XRCC6: variants seen among roughly 807,000 people sequenced by gnomAD.
XRCC6 encodes the protein X-ray repair cross complementing 6.
In XRCC6, 5 loss-of-function variants were observed where a neutral mutation model predicts 65.7. The ratio of observed to expected loss-of-function variants is 0.08; its 90% CI spans 0.04 to 0.16. The LOEUF is 0.16. Ranked by LOEUF, XRCC6 falls within the 10% of genes least tolerant of loss-of-function variation. The pLI is 1.00. For missense variants in XRCC6, 447 were observed against 738.1 expected (o/e 0.61, Z 4.57); for synonymous variants, 270 against 270.6 (o/e 1.00, Z 0.02).
At chr22:41,648,692 G>T (rs959884064) in intron 7 of XRCC6, among the ~76,000 whole-genome samples, 1 of 152,106 alleles carries the variant, frequency 6.6e-6, no homozygotes, top group Non-Finnish European at 1.5e-5. Flanking sequence ...TAAGTTTAGG[G>T]CCTATAAGGA....
At position 41,656,762 on chromosome 22, in the gene XRCC6, C is replaced by A. The variant is rs538777163; in HGVS notation, c.1292-141C>A. The A allele has an allele frequency of 9.5e-5, 99 of 1,040,270 alleles. No homozygotes were observed. The African/African-American group carries it at 1.5e-3, about 16-fold the overall frequency. The allele number at this position is 1,040,270 out of a possible 1,614,324, so 64.4% of individuals were successfully genotyped here. A position where few individuals can be genotyped will look rare whatever the true frequency, so the allele number is the denominator to read the frequency against. On this transcript the variant is annotated intron_variant, in intron 9 of 12. Coordinates refer to ENST00000360079, the MANE Select transcript of XRCC6 (RefSeq NM_001469.5). ...CTGTTAGGCAGATGATAACAAAAAC[C>A]AGCTGGTGGAGTTCAAGAAATGGGG...
intron 9 of XRCC6, 73 bp downstream of exon 9, chr22:41,653,763 C>T (rs557224539): frequency 6.6e-7 from 1 of 1,520,192 alleles, no homozygotes; most frequent in Non-Finnish European, 9.0e-7. Context: ...ACTCCTAATG[C>T]AGACCTACTG....
At chr22:41,627,403 G>C (rs1280515293) in intron 2 of XRCC6, among the ~76,000 whole-genome samples, 1 of 151,940 alleles carries the variant, frequency 6.6e-6, no homozygotes, top group Non-Finnish European at 1.5e-5. Flanking sequence ...CTGAGGCCGG[G>C]AGTTCAAGAC....
chr22:41,622,469 C>A (rs1416732500), intron 2 of XRCC6, among the ~76,000 whole-genome samples: 1 of 152,048 alleles, frequency 6.6e-6, no homozygotes, highest in African/African-American at 2.4e-5. Flanking sequence ...AAAGAATAAA[C>A]GCAAGCAACA....
Position 41,636,735 on chromosome 22 carries a change from G to C in XRCC6, c.554G>C (p.Arg185Pro). 6.2e-7 allele frequency: 1 copy of C among 1,614,126 alleles called. No homozygotes were observed. The highest frequency in any genetic ancestry group is 1.1e-5 in the South Asian group (1 of 91,062). Residue 185 changes from arginine (R) to proline (P), a missense_variant, in exon 5 of 13, where the codon CGG becomes CCG. Around this residue, in one of 4 missense-constraint regions of XRCC6, gnomAD observed 228 missense variants for 307.4 expected, o/e 0.74. Coordinates refer to ENST00000360079, the MANE Select transcript of XRCC6 (RefSeq NM_001469.5). ...PHGNDSAKAS[R>P]ARTKAGDLRD... ...GGCAATGACAGTGCCAAAGCCAGCC[G>C]GGCCAGGACCAAAGCCGGTGATCTC...
chr22:41,623,144 C>T (rs1398157517), intron 2 of XRCC6, among the ~76,000 whole-genome samples: 1 of 151,832 alleles, frequency 6.6e-6, no homozygotes, highest in Non-Finnish European at 1.5e-5. Flanking sequence ...GTGGTGAGAT[C>T]ATCGTAGCTC....
chr22:41,653,593 C>T lies in XRCC6; in HGVS notation c.1194C>T (p.Cys398=). Residue 398 remains cysteine (C), a synonymous_variant, in exon 9 of 13, where the codon TGC becomes TGT. Coordinates refer to ENST00000360079, the MANE Select transcript of XRCC6 (RefSeq NM_001469.5). The part of the protein sequence containing the change: ...KCLEKEVAAL[C]RYTPRRNIPP... ...TGGAGAAGGAGGTTGCAGCATTGTG[C>T]AGATACACACCCCGCAGGAACATCC... 1.2e-6 allele frequency: 2 copies of T among 1,614,084 alleles called. No individual in the cohort carries two copies. The highest frequency in any genetic ancestry group is 1.7e-6 in the Non-Finnish European group (2 of 1,179,996).
rs75729512 is a variant in XRCC6 at position 41,634,171 on chromosome 22, A to G, written c.196-1942A>G. 9.8e-3 allele frequency among the ~76,000 whole-genome samples: 1,490 copies of G among 151,612 alleles called. 26 individuals carry two copies. Among genetic ancestry groups the G allele is most frequent in the African/African-American group, 0.035 (1,435 of 41,316 alleles). On this transcript the variant is annotated intron_variant, in intron 3 of 12. Coordinates refer to ENST00000360079, the MANE Select transcript of XRCC6 (RefSeq NM_001469.5). The stretch of plus-strand genomic sequence containing the variant: ...TGGTTGGTTTATTCCTCAGCTTTGC[A>G]GGTTCCAAAACTTAATTTTTTTTTT...
At chr22:41,624,498 A>G (rs976084494) in intron 2 of XRCC6, among the ~76,000 whole-genome samples, 6 of 151,300 alleles carry the variant, frequency 4.0e-5, no homozygotes, top group Non-Finnish European at 7.4e-5. Context: ...CATCCTGACT[A>G]ACATGGTGAA....
At chr22:41,662,533 T>G (rs2147121402) in intron 12 of XRCC6, among the ~76,000 whole-genome samples, 1 of 152,286 alleles carries the variant, frequency 6.6e-6, no homozygotes, top group South Asian at 2.1e-4. Context: ...ACCTATCTCA[T>G]TTTTTAAAAA....
chr22:41,645,400 G>C (rs114949237), intron 6 of XRCC6, among the ~76,000 whole-genome samples: 1 of 152,096 alleles, frequency 6.6e-6, no homozygotes, highest in African/African-American at 2.4e-5. Flanking sequence ...AATCTACGTA[G>C]CAGGAACTAA....
chr22:41,658,127 A>G (rs922156952), intron 10 of XRCC6, 125 bp from the exon 11 acceptor site: 4 of 883,634 alleles, frequency 4.5e-6, no homozygotes, highest in Non-Finnish European at 7.1e-6. Flanking sequence ...CCTGACCTCA[A>G]CTGTTTTACT....
At chr22:41,633,819 T>A (rs1001483832) in intron 3 of XRCC6, among the ~76,000 whole-genome samples, 6 of 152,168 alleles carry the variant, frequency 3.9e-5, no homozygotes, top group Non-Finnish European at 5.9e-5. Flanking sequence ...AATGTAGTGT[T>A]AGGTAGGAAG....
At chr22:41,643,471 T>C (rs2067899430) in intron 6 of XRCC6, among the ~76,000 whole-genome samples, 1 of 152,064 alleles carries the variant, frequency 6.6e-6, no homozygotes, top group South Asian at 2.1e-4. Context: ...TGGCTTTAGC[T>C]GCATCGTATA....
chr22:41,621,513 G>A, intron 1 of XRCC6, 168 bp downstream of exon 1: 1 of 166,886 alleles, frequency 6.0e-6, no homozygotes, highest in South Asian at 1.3e-4. Flanking sequence ...CTCCTTCCTC[G>A]GGAAGGAGGC....
intron 3 of XRCC6, among the ~76,000 whole-genome samples, chr22:41,634,835 G>A (rs983356819): frequency 2.0e-5 from 3 of 152,020 alleles, no homozygotes; most frequent in Non-Finnish European, 2.9e-5. Context: ...GAGCCACCGC[G>A]CCTGGGTGAA....
intron 6 of XRCC6, among the ~76,000 whole-genome samples, chr22:41,639,360 A>C (rs2067849387): frequency 4.9e-5 from 1 of 20,364 alleles, no homozygotes; most frequent in Non-Finnish European, 1.8e-4. Flanking sequence ...TTTTTGAGAC[A>C]AAGTCTCACC....
chr22:41,645,869 T>A (rs2067926926), intron 6 of XRCC6, among the ~76,000 whole-genome samples: 1 of 151,770 alleles, frequency 6.6e-6, no homozygotes, highest in South Asian at 2.1e-4. Context: ...CCTGGCTAAT[T>A]TTTGTATTTT....
At chr22:41,636,048 G>T (rs2067806018) in intron 3 of XRCC6, 65 bp from the exon 4 acceptor site, 1 of 1,445,518 alleles carries the variant, frequency 6.9e-7, no homozygotes, top group Non-Finnish European at 9.3e-7. Flanking sequence ...CAACTAATAG[G>T]TACTGAGCAC....
Sources: allele counts gnomAD v4.1 joint callset (sites outside exome capture counted in the v4.1 genomes callset), GRCh38; gene constraint gnomAD v4.1.1; regional missense constraint gnomAD v4.1.1; transcripts MANE v1.5; gene names NCBI Gene and HGNC (gene_info 2026-07-23, HGNC 2026-07-21).